UGGT1: variants seen among roughly 807,000 people sequenced by gnomAD.
The protein encoded by UGGT1 is UDP-glucose glycoprotein glucosyltransferase 1.
UGGT1 carries 107 observed loss-of-function variants against 203.9 expected under a neutral mutation model. The ratio of observed to expected loss-of-function variants is 0.52; its 90% CI spans 0.45 to 0.62. The LOEUF (loss-of-function observed/expected upper bound fraction) is 0.62, where lower values mean the gene tolerates loss of function less well. UGGT1 is among the 20% of genes least tolerant of loss of function. The probability of loss-of-function intolerance (pLI) is 0.00; values close to 1 mark genes in which losing one functional copy is unlikely to be tolerated. For synonymous variants in UGGT1, 628 were observed against 653.5 expected (o/e 0.96, Z 0.59); for missense variants, 1,673 against 1,867.2 (o/e 0.90, Z 1.92).
At chr2:128,188,717 G>A (rs1025434227) in intron 40 of UGGT1, among the ~76,000 whole-genome samples, 3 of 152,150 alleles carry the variant, frequency 2.0e-5, no homozygotes, top group Admixed American at 1.3e-4. Flanking sequence ...GGCTGAAGTC[G>A]GAGGATTGCT....
At chr2:128,094,443 C>T (rs1235665123) in intron 1 of UGGT1, among the ~76,000 whole-genome samples, 1 of 152,144 alleles carries the variant, frequency 6.6e-6, no homozygotes, top group East Asian at 1.9e-4. Flanking sequence ...GTACTTGGCA[C>T]TTTACAAAGT....
intron 20 of UGGT1, among the ~76,000 whole-genome samples, chr2:128,156,183 G>A (rs3738923): frequency 0.57 from 86,573 of 151,962 alleles, 24,984 homozygotes; most frequent in South Asian, 0.65. Context: ...TTTCTCAGCT[G>A]TATGTAAAGT....
intron 2 of UGGT1, 121 bp downstream of exon 2, chr2:128,097,685 T>C: frequency 1.6e-6 from 2 of 1,271,820 alleles, no homozygotes; most frequent in Admixed American, 2.2e-5. Context: ...AGAGCCTCTT[T>C]CAGTGTATAC....
At chr2:128,092,582 G>A (rs1392731852) in intron 1 of UGGT1, among the ~76,000 whole-genome samples, 3 of 145,716 alleles carry the variant, frequency 2.1e-5, no homozygotes, top group Non-Finnish European at 4.5e-5. Context: ...ACAAGATGAT[G>A]TGATAATTTT....
At chr2:128,184,551 A>G (rs1691876278) in intron 38 of UGGT1, among the ~76,000 whole-genome samples, 1 of 152,180 alleles carries the variant, frequency 6.6e-6, no homozygotes, top group Non-Finnish European at 1.5e-5. Context: ...TAGCATCACG[A>G]CTTTTATGGT....
intron 5 of UGGT1, among the ~76,000 whole-genome samples, chr2:128,110,559 A>G (rs1687800616): frequency 6.6e-6 from 1 of 152,220 alleles, no homozygotes; most frequent in Admixed American, 6.5e-5. Context: ...CTCTTGGGGG[A>G]AACAAAATTG....
rs376680507 is a variant in UGGT1 at position 128,166,295 on chromosome 2, A to G, written c.2921+1470A>G. ...CTTCTAGTAACTGCTTTAGTAGTTT[A>G]TTTATATGTTTGCATACACACGGTC... is the stretch of plus-strand genomic sequence containing the variant. On this transcript the variant is annotated intron_variant, in intron 26 of 40. Transcript: ENST00000259253. Among the ~76,000 whole-genome samples, 132 of 152,258 alleles carry G rather than the reference A, an allele frequency of 8.7e-4. 2 individuals are homozygous for G. The South Asian group carries it at 0.027, about 31-fold the overall frequency.
At chr2:128,136,538 A>G (rs1410770433) in intron 15 of UGGT1, among the ~76,000 whole-genome samples, 1 of 152,208 alleles carries the variant, frequency 6.6e-6, no homozygotes, top group Admixed American at 6.5e-5. Context: ...TAGTGGCTTG[A>G]TAGCTCATTT....
chr2:128,147,611 C>CTT (rs371733199), intron 18 of UGGT1, among the ~76,000 whole-genome samples: 1 of 145,816 alleles, frequency 6.9e-6, no homozygotes, highest in Non-Finnish European at 1.5e-5. Flanking sequence ...TTCTGCATGT[C>CTT]TTTTTTTTTT....
In UGGT1 at chr2:128,159,689, C is replaced by T. The variant is rs745487772; in HGVS notation, c.2531C>T (p.Ala844Val). 8 of 1,614,036 alleles carry T rather than the reference C, an allele frequency of 5.0e-6. No individual in the cohort carries two copies. The highest frequency in any genetic ancestry group is 1.1e-5 in the South Asian group (1 of 91,070). The change falls in exon 23 of 41, where the codon GCA (alanine) becomes GTA (valine). Residue 844 changes from alanine (A) to valine (V), a missense_variant. Coordinates refer to ENST00000259253, the MANE Select transcript of UGGT1 (RefSeq NM_020120.4). ...AKEGAAEALA[A>V]GADIAEFSVG... is the part of the protein sequence containing the mutation. ...GAGGGGGCTGCAGAGGCCCTGGCTG[C>T]AGGAGCTGACATTGCGGAGTTCTCT...
At chr2:128,189,288 A>G (rs1692143122) in intron 40 of UGGT1, among the ~76,000 whole-genome samples, 1 of 152,272 alleles carries the variant, frequency 6.6e-6, no homozygotes. Flanking sequence ...TTCAACAGAA[A>G]AAACAAAGTT....
At chr2:128,175,088 A>G (rs1317085173) in intron 31 of UGGT1, among the ~76,000 whole-genome samples, 1 of 152,236 alleles carries the variant, frequency 6.6e-6, no homozygotes, top group Admixed American at 6.5e-5. Flanking sequence ...TTCTTTAATT[A>G]TTCCTTTGTG....
chr2:128,195,614 TC>T lies in UGGT1; in HGVS notation c.*5874del, dbSNP rs1446851828. On this transcript the variant is annotated 3_prime_UTR_variant, in exon 41 of 41. Coordinates refer to ENST00000259253, the MANE Select transcript of UGGT1 (RefSeq NM_020120.4). ...GTTCGAAGGGAATTGAGAATGAACT[TC>T]CTGGTACTGTAATGAAAATAAGGTC... 1.3e-5 allele frequency: 2 copies of T among 152,218 alleles called. No homozygotes were observed. Among genetic ancestry groups the T allele is most frequent in the Non-Finnish European group, 2.9e-5 (2 of 68,036 alleles). 9.4% of individuals were successfully genotyped at this position (152,218 alleles called of 1,614,324 possible). A position where few individuals can be genotyped will look rare whatever the true frequency, so the allele number is the denominator to read the frequency against.
intron 2 of UGGT1, among the ~76,000 whole-genome samples, chr2:128,099,142 A>G (rs1165232886): frequency 6.6e-6 from 1 of 151,934 alleles, no homozygotes; most frequent in Non-Finnish European, 1.5e-5. Context: ...TTATATATAT[A>G]TATTTTTTTG....
intron 26 of UGGT1, among the ~76,000 whole-genome samples, chr2:128,167,919 T>A (rs1436542114): frequency 2.0e-5 from 3 of 152,166 alleles, no homozygotes; most frequent in Admixed American, 2.0e-4. Flanking sequence ...ACATGTTGTG[T>A]GAATCTCTAC....
chr2:128,095,154 C>G (rs2105327442), intron 1 of UGGT1, among the ~76,000 whole-genome samples: 1 of 152,238 alleles, frequency 6.6e-6, no homozygotes. Flanking sequence ...CCTATATCCT[C>G]TTCACTCAAC....
At chr2:128,100,111 C>T (rs953428200) in intron 2 of UGGT1, among the ~76,000 whole-genome samples, 4 of 145,616 alleles carry the variant, frequency 2.7e-5, no homozygotes, top group African/African-American at 5.1e-5. Context: ...CTCACTGCAA[C>T]CTCTGCCTCC....
chr2:128,177,928 G>T lies in UGGT1; in HGVS notation c.3713+8G>T. 2 of 1,589,850 alleles carry T rather than the reference G, an allele frequency of 1.3e-6. No homozygotes were observed. Among genetic ancestry groups the T allele is most frequent in the South Asian group, 2.3e-5 (2 of 87,116 alleles). On this transcript the variant is annotated splice_region_variant and intron_variant, in intron 33 of 40. Coordinates refer to ENST00000259253, the MANE Select transcript of UGGT1 (RefSeq NM_020120.4). ...TTGGGATTCCTTCAAATGGTAAGTT[G>T]ACATTGTAAGAGTTATGTTTTTAAG...
intron 15 of UGGT1, among the ~76,000 whole-genome samples, chr2:128,135,254 T>C (rs186528206): frequency 6.6e-6 from 1 of 152,344 alleles, no homozygotes; most frequent in Admixed American, 6.5e-5. Flanking sequence ...AGTGTCCACA[T>C]CACAAAACCT....
Sources: gnomAD v4.1 joint callset for allele counts (sites outside exome capture counted in the v4.1 genomes callset) on GRCh38, gnomAD v4.1.1 for gene constraint, MANE v1.5 for transcripts, NCBI Gene and HGNC (gene_info 2026-07-23, HGNC 2026-07-21) for gene names.